ATP9B: variants seen among roughly 807,000 people sequenced by gnomAD.
The protein encoded by ATP9B is probable phospholipid-transporting ATPase IIB.
A neutral mutation model predicts 146.1 loss-of-function variants in ATP9B; 110 were observed. The observed-to-expected ratio is 0.75, with a 90% CI of 0.65 to 0.88. The LOEUF (loss-of-function observed/expected upper bound fraction) is 0.88, where lower values mean the gene tolerates loss of function less well. ATP9B is among the 40% of genes least tolerant of loss of function. ATP9B has a pLI of 0.00. For synonymous variants in ATP9B, 604 were observed against 569.7 expected (o/e 1.06, Z -0.86); for missense variants, 1,499 against 1,496.4 (o/e 1.00, Z -0.03).
At chr18:79,069,969 C>T (rs576059800) in intron 1 of ATP9B, among the ~76,000 whole-genome samples, 1 of 152,298 alleles carries the variant, frequency 6.6e-6, no homozygotes, top group African/African-American at 2.4e-5. Context: ...GAAATGACTT[C>T]TCTTCGACAT....
In ATP9B at chr18:79,069,430, T is replaced by C; in HGVS notation, c.20T>C (p.Leu7Pro). Residue 7 changes from leucine to proline, a missense_variant, in exon 1 of 30, where the codon CTT (leucine) becomes CCT (proline). By Grantham distance (98) the Leu-to-Pro change is moderately conservative (BLOSUM62 -3). Coordinates refer to ENST00000426216, the MANE Select transcript of ATP9B (RefSeq NM_198531.5). MADQIP[L>P]YPVRSAAAAA... ...CGGAACATGGCGGACCAGATCCCGC[T>C]TTACCCGGTGCGTAGCGCAGCGGCG... The C allele has an allele frequency of 6.6e-7, 1 of 1,521,158 alleles. No individual in the cohort carries two copies. The highest frequency in any genetic ancestry group is 8.8e-7 in the Non-Finnish European group (1 of 1,138,262). 94.2% of individuals were successfully genotyped at this position (1,521,158 alleles called of 1,614,324 possible). A position where few individuals can be genotyped will look rare whatever the true frequency, so the allele number is the denominator to read the frequency against.
At chr18:79,106,734 A>G (rs2075676155) in intron 2 of ATP9B, among the ~76,000 whole-genome samples, 1 of 152,224 alleles carries the variant, frequency 6.6e-6, no homozygotes, top group African/African-American at 2.4e-5. Flanking sequence ...AAAACTGAGT[A>G]AAATGTTGAA....
At chr18:79,104,625 T>C (rs1482654985) in intron 2 of ATP9B, among the ~76,000 whole-genome samples, 2 of 152,210 alleles carry the variant, frequency 1.3e-5, no homozygotes, top group Non-Finnish European at 2.9e-5. Flanking sequence ...AATATACTCC[T>C]TTTCTTAAGG....
At chr18:79,299,927 A>T (rs1231412371) in intron 13 of ATP9B, 2 of 152,294 alleles carry the variant, frequency 1.3e-5, no homozygotes, top group East Asian at 3.8e-4. Flanking sequence ...CTGTGCCACG[A>T]GGAGCAGCCG....
intron 25 of ATP9B, chr18:79,352,415 C>T (rs1252709325): frequency 6.6e-6 from 1 of 152,230 alleles, no homozygotes; most frequent in Non-Finnish European, 1.5e-5. Flanking sequence ...TTGAGAACTT[C>T]TGCTTCCAGC....
intron 12 of ATP9B, among the ~76,000 whole-genome samples, chr18:79,258,630 A>G (rs1011979019): frequency 6.6e-6 from 1 of 152,170 alleles, no homozygotes; most frequent in African/African-American, 2.4e-5. Flanking sequence ...GAAAATGAGG[A>G]TGATAGCCGG....
At chr18:79,332,091 C>G (rs532224764) in intron 17 of ATP9B, among the ~76,000 whole-genome samples, 36 of 152,328 alleles carry the variant, frequency 2.4e-4, no homozygotes, top group African/African-American at 8.7e-4. Context: ...GAATTATATT[C>G]TGCATTGTTA....
intron 1 of ATP9B, among the ~76,000 whole-genome samples, chr18:79,071,889 G>GTT (rs71161758): frequency 3.3e-5 from 3 of 91,458 alleles, no homozygotes; most frequent in African/African-American, 1.0e-4. Context: ...GTTTGGTTTT[G>GTT]TTTTTTTTTT....
intron 11 of ATP9B, among the ~76,000 whole-genome samples, chr18:79,215,794 A>G (rs576575895): frequency 6.6e-6 from 1 of 152,142 alleles, no homozygotes; most frequent in African/African-American, 2.4e-5. Flanking sequence ...GGTTCAAGCG[A>G]TTCTCCTGCC....
At chr18:79,288,992 T>C (rs1350381840) in intron 13 of ATP9B, among the ~76,000 whole-genome samples, 1 of 152,234 alleles carries the variant, frequency 6.6e-6, no homozygotes, top group African/African-American at 2.4e-5. Context: ...CCACTGTTAG[T>C]CTGATGGGCT....
At chr18:79,215,485 A>G (rs746125057) in intron 11 of ATP9B, among the ~76,000 whole-genome samples, 10 of 151,748 alleles carry the variant, frequency 6.6e-5, no homozygotes, top group Non-Finnish European at 1.2e-4. Context: ...AATTGTGATA[A>G]TGGGGAAAGT....
rs936815461 is a variant in ATP9B at position 79,337,308 on chromosome 18, G to A, written c.2142G>A (p.Met714Ile). ...ESRYTQAKLSMHDRSLKVAAV... is the reference protein window; with the variant it reads ...ESRYTQAKLSIHDRSLKVAAV... ...GATACACTCAAGCCAAGCTGAGCAT[G>A]CACGACAGGTCCCTCAAGGTGGCCG... The change falls in exon 19 of 30, where the codon ATG (methionine) becomes ATA (isoleucine). Residue 714 changes from methionine to isoleucine, a missense_variant. Coordinates refer to ENST00000426216, the MANE Select transcript of ATP9B (RefSeq NM_198531.5). The A allele has an allele frequency of 1.9e-6, 3 of 1,613,956 alleles. No homozygotes were observed. The African/African-American group carries it at 4.0e-5, about 22-fold the overall frequency.
At chr18:79,230,911 A>G (rs2095785392) in intron 11 of ATP9B, among the ~76,000 whole-genome samples, 1 of 152,206 alleles carries the variant, frequency 6.6e-6, no homozygotes, top group Non-Finnish European at 1.5e-5. Context: ...ACATAAAGCG[A>G]GTAAAGGACA....
At chr18:79,314,949 T>G (rs1453009770) in intron 15 of ATP9B, among the ~76,000 whole-genome samples, 1 of 152,222 alleles carries the variant, frequency 6.6e-6, no homozygotes, top group Non-Finnish European at 1.5e-5. Flanking sequence ...GGAAGGAACT[T>G]TGAAGACCGC....
chr18:79,199,694 G>A (rs919028092), intron 9 of ATP9B, among the ~76,000 whole-genome samples: 3 of 151,902 alleles, frequency 2.0e-5, no homozygotes, highest in African/African-American at 7.3e-5. Flanking sequence ...ACCCAGGAGG[G>A]TAGAGGTTGC....
chr18:79,285,400 T>C (rs1422958866), intron 13 of ATP9B, among the ~76,000 whole-genome samples: 3 of 152,402 alleles, frequency 2.0e-5, no homozygotes, highest in East Asian at 3.9e-4. Flanking sequence ...CATGTGTCTC[T>C]TGGCTGCATA....
chr18:79,321,355 T>A (rs934707279), intron 15 of ATP9B, among the ~76,000 whole-genome samples: 1 of 151,464 alleles, frequency 6.6e-6, no homozygotes, highest in Non-Finnish European at 1.5e-5. Context: ...TCACTGAAAT[T>A]ATTTTTCTTG....
At chr18:79,211,482 C>T (rs1568414908) in intron 10 of ATP9B, among the ~76,000 whole-genome samples, 1 of 152,216 alleles carries the variant, frequency 6.6e-6, no homozygotes, top group East Asian at 1.9e-4. Flanking sequence ...GGCTAAGTCT[C>T]GAGGGCCCTA....
chr18:79,181,452 A>G, intron 8 of ATP9B, among the ~76,000 whole-genome samples: 1 of 152,120 alleles, frequency 6.6e-6, no homozygotes, highest in East Asian at 1.9e-4. Flanking sequence ...CTGAGACATG[A>G]CCAACAGAAT....
Sources: gnomAD v4.1 joint callset for allele counts (sites outside exome capture counted in the v4.1 genomes callset) on GRCh38, gnomAD v4.1.1 for gene constraint, MANE v1.5 for transcripts, NCBI Gene and HGNC (gene_info 2026-07-23, HGNC 2026-07-21) for gene names.